The following SPECC1 variants were observed in gnomAD, a reference collection of about 807,000 sequenced individuals.
The protein encoded by SPECC1 is sperm antigen with calponin homology and coiled-coil domains 1, also known as cytospin-B.
Under a neutral mutation model 104.1 loss-of-function variants are expected in SPECC1, and 62 were observed. The observed-to-expected ratio is 0.60, with a 90% confidence interval of 0.49 to 0.74. SPECC1 has a LOEUF of 0.74. Ranked by LOEUF, SPECC1 falls within the 30% of genes least tolerant of loss-of-function variation. The probability of loss-of-function intolerance (pLI) is 0.00; values close to 1 mark genes in which losing one functional copy is unlikely to be tolerated. For missense variants in SPECC1, 1,306 were observed against 1,310.5 expected (o/e 1.00, Z 0.05); for synonymous variants, 513 against 501.6 (o/e 1.02, Z -0.30).
At chr17:20,308,312 C>T (rs1269983887) in intron 14 of SPECC1, among the ~76,000 whole-genome samples, 1 of 141,242 alleles carries the variant, frequency 7.1e-6, no homozygotes, top group Non-Finnish European at 1.5e-5. Flanking sequence ...TTGCTTGAAC[C>T]CAGGAGGCAG....
chr17:20,276,070 G>T (rs1382666690), intron 12 of SPECC1, among the ~76,000 whole-genome samples: 2 of 151,764 alleles, frequency 1.3e-5, no homozygotes, highest in Non-Finnish European at 2.9e-5. Flanking sequence ...TTTATGTTTT[G>T]CATTTATGTT....
chr17:20,110,380 C>T (rs1260821097), intron 2 of SPECC1, 47 bp from the exon 3 acceptor site: 2 of 1,563,860 alleles, frequency 1.3e-6, no homozygotes, highest in Non-Finnish European at 1.7e-6. Context: ...GCGCTCCTTC[C>T]TGAAAACCAC....
intron 1 of SPECC1, among the ~76,000 whole-genome samples, chr17:20,024,562 G>A (rs1161973979): frequency 6.6e-6 from 1 of 152,162 alleles, no homozygotes; most frequent in Non-Finnish European, 1.5e-5. Flanking sequence ...CTGTCTCAGA[G>A]GGAGATGATT....
At chr17:20,232,803 G>A (rs1303696256) in intron 7 of SPECC1, among the ~76,000 whole-genome samples, 2 of 152,188 alleles carry the variant, frequency 1.3e-5, no homozygotes, top group Middle Eastern at 3.2e-3. Context: ...ACTCCCAAGG[G>A]GAGGAGCCGC....
intron 3 of SPECC1, among the ~76,000 whole-genome samples, chr17:20,120,238 T>C (rs1032919119): frequency 8.6e-5 from 13 of 152,034 alleles, no homozygotes; most frequent in African/African-American, 2.9e-4. Flanking sequence ...AGAAAAAAAT[T>C]AGCCAAGTGT....
rs528905461 is a variant in SPECC1, at chr17:20,051,450, C to T, written c.-22+42026C>T. The stretch of plus-strand genomic sequence containing the variant: ...TCGGCCTCCCAGAGTGCTAGGATTA[C>T]AGGTGTGAGCCACTGTGCCCAGCTA... On this transcript the variant is annotated intron_variant, in intron 1 of 14. Transcript: ENST00000395527. Among the ~76,000 whole-genome samples the T allele has an allele frequency of 2.9e-4, 44 of 152,282 alleles. 1 individual carries two copies. In the South Asian group the frequency reaches 8.5e-3, roughly 29 times the overall value.
At chr17:20,195,312 G>A (rs2151301066) in intron 3 of SPECC1, among the ~76,000 whole-genome samples, 1 of 152,110 alleles carries the variant, frequency 6.6e-6, no homozygotes, top group Middle Eastern at 3.4e-3. Context: ...CATTTGATAA[G>A]GAAATTTTGT....
intron 12 of SPECC1, among the ~76,000 whole-genome samples, chr17:20,279,085 T>G (rs1258180531): frequency 6.6e-6 from 1 of 152,078 alleles, no homozygotes; most frequent in African/African-American, 2.4e-5. Context: ...AGGCCTTGAT[T>G]TTTGCTGCTG....
intron 8 of SPECC1, 84 bp from the exon 9 acceptor site, chr17:20,247,135 A>G (rs955820300): frequency 1.8e-6 from 2 of 1,123,000 alleles, no homozygotes; most frequent in Non-Finnish European, 2.6e-6. Context: ...AAGCCACCAA[A>G]AAAAGTAACA....
intron 3 of SPECC1, among the ~76,000 whole-genome samples, chr17:20,164,890 C>T (rs966147201): frequency 6.6e-6 from 1 of 152,160 alleles, no homozygotes; most frequent in African/African-American, 2.4e-5. Flanking sequence ...AGAGTTTACA[C>T]TTCTTTAGCA....
At position 20,317,217 on chromosome 17, in the gene SPECC1, C is replaced by T. The variant is rs1322128163; in HGVS notation, c.*3152C>T. On this transcript the variant is annotated 3_prime_UTR_variant, in exon 15 of 15. Transcript: ENST00000395527. ...ATTGCTTGAGCCCAGGAGTTTGAGA[C>T]CAGCCTGGGCAACATGGCAAGACCT... 1.6e-4 allele frequency: 26 copies of T among 158,396 alleles called. No individual in the cohort carries two copies. Among genetic ancestry groups the T allele is most frequent in the African/African-American group, 6.2e-4 (24 of 38,492 alleles). 9.8% of individuals were successfully genotyped at this position (158,396 alleles called of 1,614,324 possible).
rs187745227 is a variant in SPECC1, at chr17:20,049,746, G to C, written c.-22+40322G>C. On this transcript the variant is annotated intron_variant, in intron 1 of 14. Transcript: ENST00000395527. The stretch of plus-strand genomic sequence containing the variant: ...ATATTATAGGCATTCCCCATCCTAA[G>C]AGTCCGAGGATTCTACGGTGTTTTC... Among the ~76,000 whole-genome samples the C allele has an allele frequency of 6.4e-3, 980 of 152,174 alleles. 16 individuals are homozygous for C. The highest frequency in any genetic ancestry group is 3.7e-3 in the Non-Finnish European group (251 of 68,016).
At position 20,110,626 on chromosome 17, in the gene SPECC1, G is replaced by C. The variant is rs1048651899; in HGVS notation, c.283+64G>C. 14 of 1,520,388 alleles carry C rather than the reference G, an allele frequency of 9.2e-6. No individual in the cohort carries two copies. In the African/African-American group the frequency reaches 1.8e-4, roughly 20 times the overall value. The allele number at this position is 1,520,388 out of a possible 1,614,324, so 94.2% of individuals were successfully genotyped here. A position where few individuals can be genotyped will look rare whatever the true frequency, so the allele number is the denominator to read the frequency against. ...GTCCTGGCCGCATGGAAGCACTTCA[G>C]TGACCCATGACCCATCCATTCCTTC... On this transcript the variant is annotated intron_variant, in intron 3 of 14. Coordinates refer to ENST00000395527, the MANE Select transcript of SPECC1 (RefSeq NM_001243439.2).
At chr17:20,074,873 A>G (rs2046695045) in intron 1 of SPECC1, among the ~76,000 whole-genome samples, 1 of 152,152 alleles carries the variant, frequency 6.6e-6, no homozygotes. Flanking sequence ...CCTGTGAAGT[A>G]TCATTCCTCA....
chr17:20,254,408 C>T (rs1028874833), intron 10 of SPECC1, among the ~76,000 whole-genome samples: 3 of 152,134 alleles, frequency 2.0e-5, no homozygotes, highest in Admixed American at 1.3e-4. Flanking sequence ...ATCTCTAAAA[C>T]GGAAATAATC....
intron 3 of SPECC1, among the ~76,000 whole-genome samples, chr17:20,192,705 A>G (rs2035753850): frequency 6.6e-6 from 1 of 152,196 alleles, no homozygotes; most frequent in South Asian, 2.1e-4. Flanking sequence ...CAAGGATGAC[A>G]GTATTCATAT....
At chr17:20,280,460 T>C (rs1252818863) in intron 12 of SPECC1, among the ~76,000 whole-genome samples, 1 of 152,252 alleles carries the variant, frequency 6.6e-6, no homozygotes, top group African/African-American at 2.4e-5. Context: ...ACTGAAACTG[T>C]TCATCCAGAT....
intron 3 of SPECC1, among the ~76,000 whole-genome samples, chr17:20,168,711 T>C (rs891391381): frequency 2.6e-5 from 4 of 152,236 alleles, no homozygotes; most frequent in African/African-American, 7.2e-5. Flanking sequence ...TGAGAACTTA[T>C]GGCAATTTAG....
At chr17:20,195,886 GT>G (rs1476699512) in intron 3 of SPECC1, among the ~76,000 whole-genome samples, 1 of 152,066 alleles carries the variant, frequency 6.6e-6, no homozygotes, top group African/African-American at 2.4e-5. Context: ...TCATAAGCAG[GT>G]TTTTGCTCTA....
Sources: allele counts gnomAD v4.1 joint callset (sites outside exome capture counted in the v4.1 genomes callset), GRCh38; gene constraint gnomAD v4.1.1; transcripts MANE v1.5; gene names NCBI Gene and HGNC (gene_info 2026-07-23, HGNC 2026-07-21).